SYNRG: variants seen among roughly 807,000 people sequenced by gnomAD.
SYNRG encodes AP1 gamma subunit binding protein 1.
SYNRG carries 37 observed loss-of-function variants against 130.9 expected under a neutral mutation model. The observed-to-expected ratio is 0.28, with a 90% CI of 0.22 to 0.37. The LOEUF is 0.37. Ranked by LOEUF, SYNRG falls within the 10% of genes least tolerant of loss-of-function variation. The pLI, the probability that SYNRG is intolerant of heterozygous loss-of-function variation, is 1.00. For missense variants in SYNRG, 1,338 were observed against 1,588.9 expected (o/e 0.84, Z 2.68); for synonymous variants, 539 against 568.1 (o/e 0.95, Z 0.73).
chr17:37,588,542 C>A (rs2061880940), intron 3 of SYNRG, among the ~76,000 whole-genome samples: 1 of 152,172 alleles, frequency 6.6e-6, no homozygotes, highest in African/African-American at 2.4e-5. Flanking sequence ...GGATTACAGG[C>A]ATGAGCCACC....
rs1055097906 is a variant in SYNRG, at chr17:37,519,304, A to G, written c.3814-233T>C. On this transcript the variant is annotated intron_variant, in intron 21 of 21. Coordinates refer to ENST00000612223, the MANE Select transcript of SYNRG (RefSeq NM_007247.6). ...CCTAGTTTCAGCAAAAGGTGGCCAA[A>G]TCTTCCATGGAAAAGGCAGACAGAG... Among the ~76,000 whole-genome samples, 3 of 152,218 alleles carry G rather than the reference A, an allele frequency of 2.0e-5. No individual in the cohort carries two copies. The East Asian group carries it at 5.8e-4, about 29-fold the overall frequency.
At position 37,542,547 on chromosome 17, in the gene SYNRG, T is replaced by G; in HGVS notation, c.2627A>C (p.Tyr876Ser). ...PPAADIEDLK[Y>S]AAFGSYSSNF... ...GCTACTGTAGCTTCCAAAAGCAGCATATTTTAAGTCCTCTATATCTGAAAG... is the reference window on the plus strand; with the variant it reads ...GCTACTGTAGCTTCCAAAAGCAGCAGATTTTAAGTCCTCTATATCTGAAAG... The change falls in exon 15 of 22, where the codon TAT becomes TCT. Residue 876 changes from tyrosine (Y) to serine (S), a missense_variant. Around this residue, in one of 3 missense-constraint regions of SYNRG, gnomAD observed 1,146 missense variants for 1,342.3 expected, o/e 0.85. Coordinates refer to ENST00000612223, the MANE Select transcript of SYNRG (RefSeq NM_007247.6). The G allele has an allele frequency of 6.2e-7, 1 of 1,611,300 alleles. No individual in the cohort carries two copies. Among genetic ancestry groups the G allele is most frequent in the Non-Finnish European group, 8.5e-7 (1 of 1,179,578 alleles).
At chr17:37,565,258 G>A (rs2059843105) in intron 11 of SYNRG, among the ~76,000 whole-genome samples, 2 of 144,826 alleles carry the variant, frequency 1.4e-5, no homozygotes, top group Admixed American at 6.8e-5. Context: ...GCAAGACTCC[G>A]TCTTAAAAAA....
intron 13 of SYNRG, among the ~76,000 whole-genome samples, chr17:37,557,962 A>AT (rs2059243294): frequency 6.6e-6 from 1 of 152,252 alleles, no homozygotes; most frequent in Admixed American, 6.5e-5. Context: ...CATTAATACC[A>AT]TATTACACAA....
chr17:37,592,341 G>A (rs1420141036), intron 3 of SYNRG, among the ~76,000 whole-genome samples: 3 of 152,106 alleles, frequency 2.0e-5, no homozygotes, highest in Non-Finnish European at 2.9e-5. Context: ...ATACATTGCC[G>A]GTGGGAATGT....
At chr17:37,532,795 G>T (rs2056773553) in intron 19 of SYNRG, among the ~76,000 whole-genome samples, 1 of 150,746 alleles carries the variant, frequency 6.6e-6, no homozygotes. Flanking sequence ...TTGCTCATAC[G>T]TTACTGGGAT....
rs1042569961 is a variant in SYNRG, at chr17:37,538,607, T to C, written c.3421-187A>G. Among the ~76,000 whole-genome samples, 46 of 152,260 alleles carry C rather than the reference T, an allele frequency of 3.0e-4. 1 individual carries two copies. Among genetic ancestry groups the C allele is most frequent in the Admixed American group, 6.5e-5 (1 of 15,292 alleles). ...TTTTTTCCTTTTGTTTTGTTTTGCT[T>C]TGTTTTGAGACGGAGTCTCGCTCTG... On this transcript the variant is annotated intron_variant, in intron 17 of 21. Coordinates refer to ENST00000612223, the MANE Select transcript of SYNRG (RefSeq NM_007247.6).
At chr17:37,520,673 G>C (rs1568239188) in intron 19 of SYNRG, 25 bp from the exon 20 acceptor site, 1 of 1,596,784 alleles carries the variant, frequency 6.3e-7, no homozygotes, top group Middle Eastern at 1.7e-4. Flanking sequence ...AGACAAATGG[G>C]TAAGAAGTCC....
At chr17:37,586,626 A>C (rs992019766) in intron 3 of SYNRG, 77 bp from the exon 4 acceptor site, 3 of 1,533,430 alleles carry the variant, frequency 2.0e-6, no homozygotes, top group Non-Finnish European at 2.7e-6. Flanking sequence ...GACTTCCATA[A>C]ATTCTATCTT....
In SYNRG at chr17:37,553,676, C is replaced by G; in HGVS notation, c.2047G>C (p.Ala683Pro). Residue 683 changes from alanine (A) to proline (P), a missense_variant, in exon 14 of 22, where the codon GCA becomes CCA. Transcript: ENST00000612223. Reference protein sequence around the residue: ...FSLFGEYSGLAPVGEQDDFAD... With the variant: ...FSLFGEYSGLPPVGEQDDFAD... Reference sequence around the variant, plus strand: ...AAGTCATCCTGCTCCCCAACAGGTGCTAGACCAGAATATTCCCCAAAAAGG... The same window carrying G: ...AAGTCATCCTGCTCCCCAACAGGTGGTAGACCAGAATATTCCCCAAAAAGG... 1 of 1,614,038 alleles carries G rather than the reference C, an allele frequency of 6.2e-7. No homozygotes were observed. Among genetic ancestry groups the G allele is most frequent in the Non-Finnish European group, 8.5e-7 (1 of 1,180,010 alleles).
chr17:37,569,053 G>A (rs756957628), intron 10 of SYNRG, 129 bp from the exon 11 acceptor site: 21 of 922,318 alleles, frequency 2.3e-5, no homozygotes, highest in East Asian at 7.6e-5. Flanking sequence ...AAGTGCTTAC[G>A]GCAGGAATCC....
intron 14 of SYNRG, among the ~76,000 whole-genome samples, chr17:37,550,564 C>T (rs1358309019): frequency 6.6e-6 from 1 of 151,820 alleles, no homozygotes; most frequent in African/African-American, 2.4e-5. Flanking sequence ...GAGAGTGATA[C>T]AGAAGAGCTG....
chr17:37,580,506 T>A (rs1323632483), intron 6 of SYNRG, among the ~76,000 whole-genome samples: 10 of 114,218 alleles, frequency 8.8e-5, no homozygotes, highest in Middle Eastern at 8.5e-3. Flanking sequence ...TGTGTGTGTG[T>A]GTGTGAGAGA....
Position 37,585,321 on chromosome 17 carries a change from C to A in SYNRG, c.477+4G>T, listed in dbSNP as rs1267720245. 1 of 1,609,580 alleles carries A rather than the reference C, an allele frequency of 6.2e-7. No individual in the cohort carries two copies. The highest frequency in any genetic ancestry group is 1.1e-5 in the South Asian group (1 of 90,288). On this transcript the variant is annotated splice_donor_region_variant and intron_variant, in intron 5 of 21. Coordinates refer to ENST00000612223, the MANE Select transcript of SYNRG (RefSeq NM_007247.6). ...CTGGGTGAAGAGAAGTATTGAAATA[C>A]TACCTTGGGTTTCACACTGCTCAAA...
chr17:37,581,234 CTATTT>C (rs2061304939), intron 6 of SYNRG, among the ~76,000 whole-genome samples: 1 of 151,718 alleles, frequency 6.6e-6, no homozygotes, highest in Admixed American at 6.6e-5. Context: ...ATTAACAATA[CTATTT>C]TATTGTTGCT....
chr17:37,538,497 C>T lies in SYNRG; in HGVS notation c.3421-77G>A. 3 of 1,069,412 alleles carry T rather than the reference C, an allele frequency of 2.8e-6. No individual in the cohort carries two copies. In the South Asian group the frequency reaches 4.6e-5, roughly 16 times the overall value. The allele number at this position is 1,069,412 out of a possible 1,614,324, so 66.2% of individuals were successfully genotyped here. ...AATCAATTTACTATTAGTAGAAAACCCAACCGAAAAGCCAGGAGGTGTCAA... is the reference window on the plus strand; with the variant it reads ...AATCAATTTACTATTAGTAGAAAACTCAACCGAAAAGCCAGGAGGTGTCAA... On this transcript the variant is annotated intron_variant, in intron 17 of 21. Transcript: ENST00000612223.
chr17:37,577,651 G>C (rs1340155259), intron 6 of SYNRG, 38 bp from the exon 7 acceptor site: 3 of 1,298,854 alleles, frequency 2.3e-6, no homozygotes, highest in East Asian at 4.8e-5. Flanking sequence ...GTATATAACT[G>C]TATATGTCTA....
chr17:37,584,601 TA>T lies in SYNRG; in HGVS notation c.589+46del, dbSNP rs747834640. On this transcript the variant is annotated intron_variant, in intron 6 of 21. Transcript: ENST00000612223. Reference sequence around the variant, plus strand: ...GCGAGGTAAAGAAACAGGGACTACATAAATCACCTTCCCAGAAAAGAAAAAT... The same window carrying T: ...GCGAGGTAAAGAAACAGGGACTACATAATCACCTTCCCAGAAAAGAAAAAT... 7 of 1,500,392 alleles carry T rather than the reference TA, an allele frequency of 4.7e-6. No homozygotes were observed. The African/African-American group carries it at 9.6e-5, about 21-fold the overall frequency. The allele number at this position is 1,500,392 out of a possible 1,614,324, so 92.9% of individuals were successfully genotyped here. A position where few individuals can be genotyped will look rare whatever the true frequency, so the allele number is the denominator to read the frequency against.
In SYNRG at chr17:37,542,509, T is replaced by A; in HGVS notation, c.2665A>T (p.Ser889Cys). ...FGSYSSNFAVSTLTSYDWSDR... is the reference protein window; with the variant it reads ...FGSYSSNFAVCTLTSYDWSDR... ...GACCAGTCATAGCTTGTAAGTGTGCTCACTGCAAAATTGCTACTGTAGCTT... is the reference window on the plus strand; with the variant it reads ...GACCAGTCATAGCTTGTAAGTGTGCACACTGCAAAATTGCTACTGTAGCTT... Residue 889 changes from serine to cysteine, a missense_variant, in exon 15 of 22, where the codon AGC becomes TGC. Ser to Cys is a moderately radical substitution (Grantham distance 112). Around this residue, in one of 3 missense-constraint regions of SYNRG, gnomAD observed 1,146 missense variants for 1,342.3 expected, o/e 0.85. Transcript: ENST00000612223. The A allele has an allele frequency of 6.2e-7, 1 of 1,613,392 alleles. No individual in the cohort carries two copies. Among genetic ancestry groups the A allele is most frequent in the Non-Finnish European group, 8.5e-7 (1 of 1,180,034 alleles).
Sources: gnomAD v4.1 joint callset for allele counts (sites outside exome capture counted in the v4.1 genomes callset) on GRCh38, gnomAD v4.1.1 for gene constraint, gnomAD v4.1.1 regional missense constraint, MANE v1.5 for transcripts, NCBI Gene and HGNC (gene_info 2026-07-23, HGNC 2026-07-21) for gene names.